The following IQUB variants were observed in gnomAD, a reference collection of about 807,000 sequenced individuals.
IQUB encodes IQ motif and ubiquitin domain containing, also known as IQ motif and ubiquitin-like domain-containing protein.
IQUB carries 86 observed loss-of-function variants against 86.4 expected under a neutral mutation model. The observed-to-expected ratio is 1.00, with a 90% CI of 0.84 to 1.19. The LOEUF (loss-of-function observed/expected upper bound fraction) is 1.19, where lower values mean the gene tolerates loss of function less well. Among genes scored for constraint, IQUB ranks in the 50% most tolerant of loss-of-function variants. The pLI is 0.00. For missense variants in IQUB, 946 were observed against 916.9 expected, an observed-to-expected ratio of 1.03 and a Z score of -0.41; for synonymous variants, 289 against 304.5, an observed-to-expected ratio of 0.95 and a Z score of 0.53.
At chr7:123,529,005 C>T (rs546729404) in intron 1 of IQUB, among the ~76,000 whole-genome samples, 1 of 152,136 alleles carries the variant, frequency 6.6e-6, no homozygotes, top group Admixed American at 6.5e-5. Context: ...TCTTCCAACC[C>T]AGTTTGGAAA....
chr7:123,455,077 G>A (rs1184124014), intron 12 of IQUB, among the ~76,000 whole-genome samples: 1 of 151,850 alleles, frequency 6.6e-6, no homozygotes, highest in Admixed American at 6.6e-5. Flanking sequence ...TTGTCTATTT[G>A]CCTCCCTTTA....
chr7:123,523,241 T>C (rs1371430672), intron 1 of IQUB, among the ~76,000 whole-genome samples: 1 of 135,536 alleles, frequency 7.4e-6, no homozygotes, highest in Non-Finnish European at 1.6e-5. Context: ...GCTGGGTCAA[T>C]GGTATTTCTA....
intron 1 of IQUB, among the ~76,000 whole-genome samples, chr7:123,525,681 T>C (rs1301484047): frequency 5.3e-5 from 8 of 152,256 alleles, no homozygotes; most frequent in Non-Finnish European, 1.0e-4. Context: ...TTTTGAAGGG[T>C]TTTTTGTGTC....
chr7:123,490,867 G>C (rs1367275182), intron 7 of IQUB, among the ~76,000 whole-genome samples: 1 of 152,012 alleles, frequency 6.6e-6, no homozygotes, highest in Non-Finnish European at 1.5e-5. Context: ...AGGAGGCTGA[G>C]GCAGGAGAAT....
intron 11 of IQUB, 138 bp from the exon 12 acceptor site, chr7:123,457,704 T>C (rs1284649910): frequency 1.1e-5 from 7 of 663,274 alleles, no homozygotes; most frequent in Non-Finnish European, 1.5e-5. Flanking sequence ...ACATAGCCCC[T>C]TATTTTTCAC....
chr7:123,492,229 T>C (rs995582494), intron 7 of IQUB, among the ~76,000 whole-genome samples: 8 of 152,182 alleles, frequency 5.3e-5, no homozygotes, highest in African/African-American at 1.9e-4. Flanking sequence ...CTGAATGGAC[T>C]ACGAACTTAA....
At chr7:123,526,051 A>C (rs986266477) in intron 1 of IQUB, among the ~76,000 whole-genome samples, 1 of 147,130 alleles carries the variant, frequency 6.8e-6, no homozygotes, top group Non-Finnish European at 1.5e-5. Flanking sequence ...GTTTGATTGC[A>C]CTGTGGTCTG....
Position 123,509,927 on chromosome 7 carries a change from T to C in IQUB, c.506A>G (p.His169Arg). The C allele has an allele frequency of 1.2e-6, 2 of 1,609,682 alleles. No individual in the cohort carries two copies. The highest frequency in any genetic ancestry group is 1.7e-6 in the Non-Finnish European group (2 of 1,178,180). Residue 169 changes from histidine (H) to arginine (R), a missense_variant, in exon 3 of 13, where the codon CAT becomes CGT. By Grantham distance (29) the His-to-Arg change is conservative. Coordinates refer to ENST00000324698, the MANE Select transcript of IQUB (RefSeq NM_178827.5). ...TGAGTATCTTATCTGCAGTACAGAATGTGGGATACCTAATAAGTGTGAAAA... is the reference window on the plus strand; with the variant it reads ...TGAGTATCTTATCTGCAGTACAGAACGTGGGATACCTAATAAGTGTGAAAA... ...DHFSHLLGIP[H>R]SVLQIRYSGK... is the part of the protein sequence containing the mutation.
In IQUB at chr7:123,465,718, T is replaced by C. The variant is rs12534503; in HGVS notation, c.1582-709A>G. ...GTCATTAATTGTAAAATAATGCTCT[T>C]CCGTACTTTGTACTACATAGTTGGT... On this transcript the variant is annotated intron_variant, in intron 9 of 12. Coordinates refer to ENST00000324698, the MANE Select transcript of IQUB (RefSeq NM_178827.5). 2.7e-3 allele frequency among the ~76,000 whole-genome samples: 408 copies of C among 152,142 alleles called. 2 individuals are homozygous for C. The highest frequency in any genetic ancestry group is 9.6e-3 in the African/African-American group (397 of 41,534).
intron 6 of IQUB, among the ~76,000 whole-genome samples, chr7:123,498,628 T>C (rs1795808714): frequency 6.6e-6 from 1 of 152,134 alleles, no homozygotes; most frequent in African/African-American, 2.4e-5. Flanking sequence ...AGCAAAGCAG[T>C]TTAGGGCTCG....
At chr7:123,475,857 AG>A (rs970256852) in intron 8 of IQUB, among the ~76,000 whole-genome samples, 10 of 152,192 alleles carry the variant, frequency 6.6e-5, no homozygotes, top group African/African-American at 2.4e-4. Context: ...TGCAAGGTAA[AG>A]CAATTTGCTA....
rs1793977107 is a variant in IQUB, at chr7:123,461,417, T to C, written c.1947A>G (p.Gln649=). The C allele has an allele frequency of 2.5e-6, 4 of 1,612,130 alleles. No individual in the cohort carries two copies. The highest frequency in any genetic ancestry group is 3.4e-6 in the Non-Finnish European group (4 of 1,178,704). The change falls in exon 11 of 13, where the codon CAA becomes CAG. Residue 649 remains glutamine, a synonymous_variant. Coordinates refer to ENST00000324698, the MANE Select transcript of IQUB (RefSeq NM_178827.5). The part of the protein sequence containing the change: ...ESFLKYKCLL[Q]QLYYTEADYE... Reference sequence around the variant, plus strand: ...AATCAGCTTCTGTATAGTAGAGCTGTTGAAGTAAACATTTGTACTTCAAAA... The same window carrying C: ...AATCAGCTTCTGTATAGTAGAGCTGCTGAAGTAAACATTTGTACTTCAAAA...
intron 3 of IQUB, among the ~76,000 whole-genome samples, chr7:123,504,723 G>A (rs28819411): frequency 0.017 from 2,538 of 152,138 alleles, 60 homozygotes; most frequent in African/African-American, 0.058. Context: ...CCAACACTGA[G>A]GATTACAATT....
At chr7:123,462,148 G>A (rs1381786931) in intron 10 of IQUB, among the ~76,000 whole-genome samples, 1 of 151,590 alleles carries the variant, frequency 6.6e-6, no homozygotes, top group Non-Finnish European at 1.5e-5. Context: ...TATTTACTAT[G>A]GGCTAAAGTA....
intron 9 of IQUB, among the ~76,000 whole-genome samples, chr7:123,466,094 T>A (rs910186761): frequency 2.6e-5 from 4 of 152,076 alleles, no homozygotes; most frequent in Non-Finnish European, 5.9e-5. Context: ...TCTACATACA[T>A]GTAGATAGAT....
chr7:123,497,788 T>TA (rs1795766096), intron 6 of IQUB, among the ~76,000 whole-genome samples: 1 of 149,234 alleles, frequency 6.7e-6, no homozygotes. Context: ...CCCAAAAGAA[T>TA]AGAAACTTTG....
At chr7:123,465,992 T>C (rs755732242) in intron 9 of IQUB, among the ~76,000 whole-genome samples, 2 of 152,060 alleles carry the variant, frequency 1.3e-5, no homozygotes, top group Non-Finnish European at 2.9e-5. Context: ...TTAGTAACTA[T>C]CATCAAAATA....
chr7:123,513,612 G>C (rs939926064), intron 1 of IQUB, among the ~76,000 whole-genome samples: 3 of 152,130 alleles, frequency 2.0e-5, no homozygotes, highest in African/African-American at 7.2e-5. Context: ...GTCCCAGAAG[G>C]AAAAATAGAA....
chr7:123,521,996 A>G (rs34403259), intron 1 of IQUB, among the ~76,000 whole-genome samples: 9,988 of 152,174 alleles, frequency 0.066, 365 homozygotes, highest in Non-Finnish European at 0.08. Flanking sequence ...GTTTGAATCT[A>G]GACTTAACAA....
Sources: allele counts gnomAD v4.1 joint callset (sites outside exome capture counted in the v4.1 genomes callset), GRCh38; gene constraint gnomAD v4.1.1; transcripts MANE v1.5; gene names NCBI Gene and HGNC (gene_info 2026-07-23, HGNC 2026-07-21).